The following NCAM2 variants were observed in gnomAD, a reference collection of about 807,000 sequenced individuals.
The protein encoded by NCAM2 is N-CAM-2.
Under a neutral mutation model 98.1 loss-of-function variants are expected in NCAM2, and 30 were observed. The observed-to-expected ratio is 0.31, with a 90% CI of 0.23 to 0.41. NCAM2 has a LOEUF of 0.41. Ranked by LOEUF, NCAM2 falls within the 10% of genes least tolerant of loss-of-function variation. The probability of loss-of-function intolerance (pLI) is 1.00; values close to 1 mark genes in which losing one functional copy is unlikely to be tolerated. For synonymous variants in NCAM2, 368 were observed against 342.4 expected (o/e 1.07, Z -0.83); for missense variants, 867 against 1,005.8 (o/e 0.86, Z 1.87).
intron 1 of NCAM2, among the ~76,000 whole-genome samples, chr21:21,083,074 A>AT (rs1425681884): frequency 1.3e-5 from 2 of 152,174 alleles, no homozygotes; most frequent in African/African-American, 4.8e-5. Context: ...TGGCTTATGC[A>AT]TTTTTGAGGT....
intron 5 of NCAM2, among the ~76,000 whole-genome samples, chr21:21,312,595 A>G (rs928540359): frequency 0.012 from 1 of 84 alleles, no homozygotes; most frequent in Non-Finnish European, 0.026. Flanking sequence ...TAATGTTGAT[A>G]TATTTCCTAT....
chr21:21,030,551 C>G (rs2064658369), intron 1 of NCAM2, among the ~76,000 whole-genome samples: 1 of 152,332 alleles, frequency 6.6e-6, no homozygotes, highest in Middle Eastern at 3.4e-3. Flanking sequence ...GTATCTTAAT[C>G]ACTCCTGCAA....
intron 12 of NCAM2, among the ~76,000 whole-genome samples, chr21:21,450,799 C>CACACACAA (rs1980929773): frequency 2.7e-5 from 1 of 37,012 alleles, no homozygotes; most frequent in Non-Finnish European, 1.2e-4. Context: ...TGTATACACA[C>CACACACAA]ACACACACAC....
chr21:21,119,602 A>C (rs995936649), intron 1 of NCAM2, among the ~76,000 whole-genome samples: 1 of 152,098 alleles, frequency 6.6e-6, no homozygotes, highest in African/African-American at 2.4e-5. Flanking sequence ...AATAACTTTT[A>C]CTTGATTATT....
intron 1 of NCAM2, among the ~76,000 whole-genome samples, chr21:21,200,729 G>T (rs13052234): frequency 1 from 145,882 of 145,884 alleles, 72,940 homozygotes; most frequent in Non-Finnish European, 1. Context: ...TTAAAAATAG[G>T]TCTAAATTAA....
intron 6 of NCAM2, among the ~76,000 whole-genome samples, chr21:21,331,597 AGAGAGT>A (rs1439008771): frequency 1.1e-4 from 3 of 27,934 alleles, no homozygotes; most frequent in African/African-American, 2.9e-4. Context: ...AGAGAGAGAG[AGAGAGT>A]GAGAGAGAGA....
intron 1 of NCAM2, among the ~76,000 whole-genome samples, chr21:21,229,065 T>A (rs910555292): frequency 6.6e-6 from 1 of 151,566 alleles, no homozygotes; most frequent in East Asian, 1.9e-4. Context: ...TTTAGATTAA[T>A]AATAATGGTG....
At chr21:21,088,134 A>G (rs2065939843) in intron 1 of NCAM2, among the ~76,000 whole-genome samples, 1 of 152,246 alleles carries the variant, frequency 6.6e-6, no homozygotes, top group African/African-American at 2.4e-5. Flanking sequence ...TGTGTATACA[A>G]TTAATAGCTT....
intron 5 of NCAM2, among the ~76,000 whole-genome samples, chr21:21,307,003 A>G (rs1164851992): frequency 6.6e-6 from 1 of 152,104 alleles, no homozygotes; most frequent in Non-Finnish European, 1.5e-5. Context: ...AGTTCTATCC[A>G]TGTGGTTGCA....
chr21:21,128,166 G>C (rs1263213273), intron 1 of NCAM2, among the ~76,000 whole-genome samples: 1 of 152,034 alleles, frequency 6.6e-6, no homozygotes, highest in Non-Finnish European at 1.5e-5. Flanking sequence ...GGGGACTGTA[G>C]TTCATATTGT....
At chr21:21,331,514 T>TACATATATATATATATA (rs71195320) in intron 6 of NCAM2, among the ~76,000 whole-genome samples, 69 of 4,774 alleles carry the variant, frequency 0.014, 19 homozygotes, top group Non-Finnish European at 0.021. Flanking sequence ...ATACTCTCTC[T>TACATATATATATATATA]CTCTATATAT....
intron 1 of NCAM2, among the ~76,000 whole-genome samples, chr21:21,099,452 G>A (rs1471510465): frequency 1.3e-5 from 2 of 151,854 alleles, no homozygotes; most frequent in African/African-American, 2.4e-5. Flanking sequence ...ATACAATCAT[G>A]ATGGAAGGCC....
At chr21:21,280,102 C>T (rs896188356) in intron 1 of NCAM2, among the ~76,000 whole-genome samples, 4 of 152,208 alleles carry the variant, frequency 2.6e-5, no homozygotes, top group Admixed American at 6.5e-5. Flanking sequence ...CTGTGCAGTG[C>T]TTTCTTTCCT....
At chr21:21,206,888 T>C (rs2069456735) in intron 1 of NCAM2, among the ~76,000 whole-genome samples, 1 of 152,126 alleles carries the variant, frequency 6.6e-6, no homozygotes, top group African/African-American at 2.4e-5. Context: ...AATCAGATTA[T>C]TATAGATATT....
chr21:21,003,460 G>A (rs540508854), intron 1 of NCAM2, among the ~76,000 whole-genome samples: 34 of 152,192 alleles, frequency 2.2e-4, no homozygotes, highest in African/African-American at 7.5e-4. Flanking sequence ...AGCAACTTAT[G>A]CTCTTAGAAC....
intron 1 of NCAM2, among the ~76,000 whole-genome samples, chr21:21,018,696 C>G (rs970557541): frequency 6.6e-6 from 1 of 152,128 alleles, no homozygotes; most frequent in Admixed American, 6.5e-5. Context: ...TATGTTGGTT[C>G]TGTTTTTCAT....
intron 1 of NCAM2, among the ~76,000 whole-genome samples, chr21:21,086,085 A>G (rs2065900541): frequency 6.6e-6 from 1 of 152,334 alleles, no homozygotes; most frequent in South Asian, 2.1e-4. Flanking sequence ...AGGCTTTCCC[A>G]TGTGACTCAA....
At chr21:21,024,915 C>G (rs11909337) in intron 1 of NCAM2, among the ~76,000 whole-genome samples, 95,133 of 151,382 alleles carry the variant, frequency 0.63, 30,169 homozygotes, top group East Asian at 0.82. Flanking sequence ...GTGTACAGTA[C>G]GAAAAAAAGG....
intron 8 of NCAM2, among the ~76,000 whole-genome samples, chr21:21,368,808 A>T (rs896576452): frequency 1.3e-5 from 2 of 151,940 alleles, no homozygotes; most frequent in Non-Finnish European, 2.9e-5. Flanking sequence ...TTCAGACCAT[A>T]GCACCCTCTC....
Sources: gnomAD v4.1 joint callset for allele counts (sites outside exome capture counted in the v4.1 genomes callset) on GRCh38, gnomAD v4.1.1 for gene constraint, MANE v1.5 for transcripts, NCBI Gene and HGNC (gene_info 2026-07-23, HGNC 2026-07-21) for gene names.